DUOX1: variants seen among roughly 807,000 people sequenced by gnomAD.
The protein encoded by DUOX1 is dual oxidase 1, also known as NADPH thyroid oxidase 1.
DUOX1 carries 134 observed loss-of-function variants against 181.8 expected under a neutral mutation model. The observed-to-expected ratio is 0.74, with a 90% CI of 0.64 to 0.85. The LOEUF (loss-of-function observed/expected upper bound fraction) is 0.85, where lower values mean the gene tolerates loss of function less well. Among genes scored for constraint, DUOX1 ranks in the 40% least tolerant of loss-of-function variants. The probability of loss-of-function intolerance (pLI) is 0.00; values close to 1 mark genes in which losing one functional copy is unlikely to be tolerated. For synonymous variants in DUOX1, 798 were observed against 832.5 expected (o/e 0.96, Z 0.71); for missense variants, 1,814 against 2,064.4 (o/e 0.88, Z 2.35).
chr15:45,142,129 A>T lies in DUOX1; in HGVS notation c.1822+17A>T, dbSNP rs750545818. 6.2e-7 allele frequency: 1 copy of T among 1,609,778 alleles called. No individual in the cohort carries two copies. The highest frequency in any genetic ancestry group is 8.5e-7 in the Non-Finnish European group (1 of 1,177,674). On this transcript the variant is annotated intron_variant, in intron 15 of 33. Coordinates refer to ENST00000389037, the MANE Select transcript of DUOX1 (RefSeq NM_175940.3). ...TCCCTTTGGGTAAAATCATGGACAGAGTGGGGTGGGGTGAGAGATGCAAGC... is the reference window on the plus strand; with the variant it reads ...TCCCTTTGGGTAAAATCATGGACAGTGTGGGGTGGGGTGAGAGATGCAAGC...
At chr15:45,141,172 G>A in intron 13 of DUOX1, 102 bp downstream of exon 13, 8 of 1,568,750 alleles carry the variant, frequency 5.1e-6, no homozygotes, top group Non-Finnish European at 7.0e-6. Flanking sequence ...TTCCAAGCCA[G>A]CCCACCACCC....
At position 45,139,664 on chromosome 15, in the gene DUOX1, G is replaced by T. The variant is rs551029283; in HGVS notation, c.1389+65G>T. 4.2e-5 allele frequency: 62 copies of T among 1,473,618 alleles called. No homozygotes were observed. In the African/African-American group the frequency reaches 7.8e-4, roughly 18 times the overall value. The allele number at this position is 1,473,618 out of a possible 1,614,324, so 91.3% of individuals were successfully genotyped here. On this transcript the variant is annotated intron_variant, in intron 12 of 33. Transcript: ENST00000389037. ...ACAAGGCACGTGGGCCTGAGACATG[G>T]AAGATAGGCAGTGAAACTTGAGCAC...
At chr15:45,134,536 G>A (rs1896235792) in intron 4 of DUOX1, among the ~76,000 whole-genome samples, 1 of 152,154 alleles carries the variant, frequency 6.6e-6, no homozygotes, top group Non-Finnish European at 1.5e-5. Context: ...ACAGAAAGAT[G>A]AGGGGTGGGG....
chr15:45,152,699 C>T (rs1896848772), intron 25 of DUOX1, 183 bp downstream of exon 25: 2 of 639,848 alleles, frequency 3.1e-6, no homozygotes, highest in East Asian at 5.5e-5. Context: ...TTCCAAGTGC[C>T]TCTTCCCGCA....
rs773272787 is a variant in DUOX1, at chr15:45,141,262, T to A, written c.1566-30T>A. On this transcript the variant is annotated intron_variant, in intron 13 of 33. Coordinates refer to ENST00000389037, the MANE Select transcript of DUOX1 (RefSeq NM_175940.3). ...GCTGGAGGCCTGCATCCCCTTCCCA[T>A]CCCAGTGACTTCTACTTACTCCAAC... 9.3e-6 allele frequency: 15 copies of A among 1,612,032 alleles called. No homozygotes were observed. The Admixed American group carries it at 2.5e-4, about 27-fold the overall frequency.
At chr15:45,162,031 G>A (rs915514033) in intron 30 of DUOX1, 61 bp downstream of exon 30, 21 of 1,519,568 alleles carry the variant, frequency 1.4e-5, no homozygotes, top group African/African-American at 2.8e-5. Context: ...GCTTTGGCCC[G>A]GCAGCACTAG....
chr15:45,145,069 CT>C lies in DUOX1; in HGVS notation c.2315del (p.Phe772SerfsTer27). Reference protein sequence around the residue: ...RHLLETFFRHLFSQVLDINQA... With the variant: ...RHLLETFFRHXFSQVLDINQA... ...CCTCCTGGAGACCTTTTTCAGGCAC[CT>C]TTTCTCCCAGGTGTGTACATGGGAC... On this transcript the variant is annotated frameshift_variant, in exon 18 of 34. Transcript: ENST00000389037. LOFTEE classifies it high-confidence loss of function. The C allele has an allele frequency of 6.2e-7, 1 of 1,604,556 alleles. No homozygotes were observed. The highest frequency in any genetic ancestry group is 8.5e-7 in the Non-Finnish European group (1 of 1,175,750).
chr15:45,130,671 G>GC lies in DUOX1; in HGVS notation c.-50+574dup, dbSNP rs202011614. On this transcript the variant is annotated intron_variant, in intron 1 of 33. Transcript: ENST00000389037. ...CCCATCGTTGTGTAAATCATTAAGG[G>GC]CAACCCACCCACAAGGAGTGGTTAT... Among the ~76,000 whole-genome samples the GC allele has an allele frequency of 8.9e-4, 136 of 152,294 alleles. 3 individuals are homozygous for GC. In the East Asian group the frequency reaches 0.023, roughly 26 times the overall value.
In DUOX1 at chr15:45,135,824, C is replaced by T. The variant is rs1324141629; in HGVS notation, c.740C>T (p.Ala247Val). ...GGGAACCGGGAACCCTTCCTGCAGGCGCTGGGCCTGCTCTGGTTCCGCTAC... is the reference window on the plus strand; with the variant it reads ...GGGAACCGGGAACCCTTCCTGCAGGTGCTGGGCCTGCTCTGGTTCCGCTAC... ...ERGNREPFLQ[A>V]LGLLWFRYHN... Residue 247 changes from alanine to valine, a missense_variant, in exon 7 of 34, where the codon GCG (alanine) becomes GTG (valine). Physicochemically the swap from Ala to Val is moderately conservative, Grantham distance 64. Coordinates refer to ENST00000389037, the MANE Select transcript of DUOX1 (RefSeq NM_175940.3). 5 of 1,434,916 alleles carry T rather than the reference C, an allele frequency of 3.5e-6. No homozygotes were observed. In the Admixed American group the frequency reaches 8.6e-5, roughly 25 times the overall value. The allele number at this position is 1,434,916 out of a possible 1,614,324, so 88.9% of individuals were successfully genotyped here. A position where few individuals can be genotyped will look rare whatever the true frequency, so the allele number is the denominator to read the frequency against.
intron 5 of DUOX1, 34 bp from the exon 6 acceptor site, chr15:45,135,440 A>C (rs977407624): frequency 2.2e-4 from 338 of 1,537,784 alleles, no homozygotes; most frequent in Non-Finnish European, 2.7e-4. Flanking sequence ...GCCGCCGCCC[A>C]TCGACCCGGG....
intron 23 of DUOX1, 111 bp downstream of exon 23, chr15:45,151,359 T>A: frequency 2.2e-6 from 3 of 1,385,814 alleles, no homozygotes; most frequent in Non-Finnish European, 2.9e-6. Flanking sequence ...ACAGGCAGGG[T>A]GAATAGTCCT....
rs1897193697 is a variant in DUOX1 at position 45,165,028 on chromosome 15, G to C, written c.*127G>C. The C allele has an allele frequency of 8.8e-7, 1 of 1,130,626 alleles. No homozygotes were observed. Among genetic ancestry groups the C allele is most frequent in the Non-Finnish European group, 1.3e-6 (1 of 780,656 alleles). 70.0% of individuals were successfully genotyped at this position (1,130,626 alleles called of 1,614,324 possible). On this transcript the variant is annotated 3_prime_UTR_variant, in exon 34 of 34. Coordinates refer to ENST00000389037, the MANE Select transcript of DUOX1 (RefSeq NM_175940.3). ...TTTCCCACCTCCCAACCTTGTTCCAGGTGGCCATAGTCAGTCACCATGTGT... is the reference window on the plus strand; with the variant it reads ...TTTCCCACCTCCCAACCTTGTTCCACGTGGCCATAGTCAGTCACCATGTGT...
intron 31 of DUOX1, among the ~76,000 whole-genome samples, 195 bp from the exon 32 acceptor site, chr15:45,163,337 C>T (rs913851567): frequency 6.6e-6 from 1 of 152,214 alleles, no homozygotes; most frequent in African/African-American, 2.4e-5. Flanking sequence ...CTCACTTCCA[C>T]CTCTCTATGC....
Position 45,152,096 on chromosome 15 carries a change from A to C in DUOX1, c.3193+44A>C. 1.9e-6 allele frequency: 3 copies of C among 1,599,444 alleles called. No homozygotes were observed. The South Asian group carries it at 3.4e-5, about 18-fold the overall frequency. On this transcript the variant is annotated intron_variant, in intron 24 of 33. Transcript: ENST00000389037. ...CACGAGCCCTGTCCCTAGGCTTGCA[A>C]TGAGTGATCGCCCTGGGGGTGGGGC...
intron 25 of DUOX1, 112 bp downstream of exon 25, chr15:45,152,628 T>A: frequency 9.3e-7 from 1 of 1,074,240 alleles, no homozygotes; most frequent in Non-Finnish European, 1.4e-6. Context: ...TCCTTCTCCA[T>A]CAGGATGGAG....
In DUOX1 at chr15:45,145,094, A is replaced by G. The variant is rs1382667725; in HGVS notation, c.2322+14A>G. On this transcript the variant is annotated intron_variant, in intron 18 of 33. Coordinates refer to ENST00000389037, the MANE Select transcript of DUOX1 (RefSeq NM_175940.3). The stretch of plus-strand genomic sequence containing the variant: ...CTTTTCTCCCAGGTGTGTACATGGG[A>G]CCAGATCAATCCTTATGCTGTGGTG... 1.3e-6 allele frequency: 2 copies of G among 1,582,328 alleles called. No individual in the cohort carries two copies. Among genetic ancestry groups the G allele is most frequent in the East Asian group, 2.2e-5 (1 of 44,644 alleles).
At chr15:45,157,418 A>C (rs1896991811) in intron 28 of DUOX1, among the ~76,000 whole-genome samples, 1 of 152,142 alleles carries the variant, frequency 6.6e-6, no homozygotes, top group Non-Finnish European at 1.5e-5. Flanking sequence ...GATCCAGAAG[A>C]GTGGCCAGGC....
Position 45,135,502 on chromosome 15 carries a change from G to A in DUOX1, c.524G>A (p.Gly175Asp). ...PANQVTGWLD[G>D]SAIYGSSHSW... ...AACCAGGTGACGGGCTGGCTGGACGGCAGCGCCATCTATGGTTCCTCGCAT... is the reference window on the plus strand; with the variant it reads ...AACCAGGTGACGGGCTGGCTGGACGACAGCGCCATCTATGGTTCCTCGCAT... The change falls in exon 6 of 34, where the codon GGC (glycine) becomes GAC (aspartate). Residue 175 changes from glycine to aspartate, a missense_variant. By Grantham distance (94) the Gly-to-Asp change is moderately conservative (BLOSUM62 -1). This residue lies in a region of DUOX1 where 320 missense variants were observed against 313.1 expected (regional missense o/e 1.02). Coordinates refer to ENST00000389037, the MANE Select transcript of DUOX1 (RefSeq NM_175940.3). 2 of 1,557,348 alleles carry A rather than the reference G, an allele frequency of 1.3e-6. No individual in the cohort carries two copies. The highest frequency in any genetic ancestry group is 2.4e-5 in the South Asian group (2 of 84,632).
chr15:45,153,857 AGCCTG>A, intron 26 of DUOX1, 89 bp from the exon 27 acceptor site: 2 of 1,190,042 alleles, frequency 1.7e-6, no homozygotes, highest in Non-Finnish European at 2.5e-6. Flanking sequence ...ACTGCACTCC[AGCCTG>A]GGTGACAGAG....
Sources: allele counts gnomAD v4.1 joint callset (sites outside exome capture counted in the v4.1 genomes callset), GRCh38; gene constraint gnomAD v4.1.1; regional missense constraint gnomAD v4.1.1; transcripts MANE v1.5; gene names NCBI Gene and HGNC (gene_info 2026-07-23, HGNC 2026-07-21).